Variants in SLC4A7 observed in about 807,000 individuals in gnomAD.
SLC4A7 encodes the protein solute carrier family 4 member 7.
SLC4A7 carries 51 observed loss-of-function variants against 137.6 expected under a neutral mutation model. That is an observed-to-expected ratio of 0.37 (90% CI 0.30 to 0.47). SLC4A7 has a LOEUF of 0.47. Among genes scored for constraint, SLC4A7 ranks in the 20% least tolerant of loss-of-function variants. SLC4A7 has a pLI of 1.00. For synonymous variants in SLC4A7, 542 were observed against 518.6 expected (o/e 1.05, Z -0.61); for missense variants, 1,247 against 1,525.4 (o/e 0.82, Z 3.04).
At chr3:27,407,760 C>T (rs545540057) in intron 13 of SLC4A7, among the ~76,000 whole-genome samples, 2 of 152,202 alleles carry the variant, frequency 1.3e-5, no homozygotes, top group East Asian at 3.9e-4. Context: ...TCCTCCATCC[C>T]ATCCCTCCTT....
intron 1 of SLC4A7, chr3:27,456,854 C>T (rs1197172140): frequency 1.7e-5 from 23 of 1,379,332 alleles, no homozygotes; most frequent in Non-Finnish European, 2.1e-5. Flanking sequence ...CCTAATCTTC[C>T]AAGCTAATAA....
chr3:27,460,155 T>G (rs1396184977), intron 1 of SLC4A7, among the ~76,000 whole-genome samples: 1 of 151,968 alleles, frequency 6.6e-6, no homozygotes, highest in Admixed American at 6.6e-5. Context: ...TGTCTCAGCC[T>G]CCCTGGCAGC....
At chr3:27,454,259 A>T (rs1356451879) in intron 1 of SLC4A7, among the ~76,000 whole-genome samples, 1 of 152,182 alleles carries the variant, frequency 6.6e-6, no homozygotes, top group African/African-American at 2.4e-5. Flanking sequence ...TGAGGTCAGG[A>T]GTTTGACACC....
At chr3:27,446,404 A>G (rs1352821463) in intron 3 of SLC4A7, among the ~76,000 whole-genome samples, 1 of 152,180 alleles carries the variant, frequency 6.6e-6, no homozygotes, top group Non-Finnish European at 1.5e-5. Context: ...CTTCAGGGAC[A>G]TAAATCTTTT....
chr3:27,468,825 G>C (rs530412870), intron 1 of SLC4A7, among the ~76,000 whole-genome samples: 1 of 152,240 alleles, frequency 6.6e-6, no homozygotes, highest in South Asian at 2.1e-4. Flanking sequence ...GAAATACTAG[G>C]AGTGGGGCGT....
intron 1 of SLC4A7, among the ~76,000 whole-genome samples, chr3:27,464,150 G>A (rs2058848382): frequency 6.6e-6 from 1 of 152,100 alleles, no homozygotes; most frequent in Non-Finnish European, 1.5e-5. Flanking sequence ...CTCCAGCCTG[G>A]GAGCAAGACT....
chr3:27,418,712 T>C, intron 10 of SLC4A7, 80 bp from the exon 11 acceptor site: 1 of 798,226 alleles, frequency 1.3e-6, no homozygotes, highest in Non-Finnish European at 2.0e-6. Context: ...CTGGATATCA[T>C]AAATAGCTTC....
chr3:27,478,413 G>A lies in SLC4A7; in HGVS notation c.60+5654C>T, dbSNP rs1434523811. 4.0e-5 allele frequency among the ~76,000 whole-genome samples: 6 copies of A among 150,636 alleles called. No individual in the cohort carries two copies. The East Asian group carries it at 9.8e-4, about 25-fold the overall frequency. Reference sequence around the variant, plus strand: ...TGCGCCTGTAATTCCATCTACCTGGGAGGCTGAGGCAGGAGAATCGCTTGA... The same window carrying A: ...TGCGCCTGTAATTCCATCTACCTGGAAGGCTGAGGCAGGAGAATCGCTTGA... On this transcript the variant is annotated intron_variant, in intron 1 of 25. Coordinates refer to ENST00000454389, the MANE Select transcript of SLC4A7 (RefSeq NM_001321103.2).
intron 1 of SLC4A7, among the ~76,000 whole-genome samples, chr3:27,464,898 G>A (rs955378731): frequency 2.6e-5 from 4 of 152,128 alleles, no homozygotes; most frequent in Non-Finnish European, 5.9e-5. Context: ...TTGGTGAGAT[G>A]GACAGCCTGT....
intron 22 of SLC4A7, among the ~76,000 whole-genome samples, chr3:27,388,730 A>G (rs1370371273): frequency 2.6e-5 from 4 of 152,174 alleles, no homozygotes; most frequent in Non-Finnish European, 5.9e-5. Flanking sequence ...GTAGAAAACA[A>G]TAACCATGAA....
chr3:27,395,184 G>A (rs1020914629), intron 18 of SLC4A7, 69 bp from the exon 19 acceptor site: 2 of 1,108,582 alleles, frequency 1.8e-6, no homozygotes, highest in Non-Finnish European at 2.5e-6. Context: ...CCATAACATA[G>A]ACTTGATCTG....
intron 3 of SLC4A7, among the ~76,000 whole-genome samples, chr3:27,446,342 A>C (rs1347167873): frequency 6.6e-6 from 1 of 152,162 alleles, no homozygotes; most frequent in Admixed American, 6.5e-5. Context: ...AAAAACGAAG[A>C]GACTTCATTT....
At chr3:27,382,566 T>C (rs2050533025) in intron 24 of SLC4A7, among the ~76,000 whole-genome samples, 2 of 152,302 alleles carry the variant, frequency 1.3e-5, no homozygotes, top group South Asian at 4.1e-4. Context: ...TAAATATAAA[T>C]CATCAAAATC....
At chr3:27,420,203 T>C (rs1035728690) in intron 10 of SLC4A7, among the ~76,000 whole-genome samples, 1 of 150,538 alleles carries the variant, frequency 6.6e-6, no homozygotes, top group Non-Finnish European at 1.5e-5. Context: ...AAAAGAAAAA[T>C]TAGGTCAGGT....
chr3:27,410,173 T>C (rs2053767956), intron 12 of SLC4A7, among the ~76,000 whole-genome samples: 2 of 152,214 alleles, frequency 1.3e-5, no homozygotes, highest in African/African-American at 4.8e-5. Flanking sequence ...TAAAAATCTG[T>C]TTGTACATCA....
At chr3:27,478,288 TG>T (rs2059551263) in intron 1 of SLC4A7, among the ~76,000 whole-genome samples, 1 of 150,222 alleles carries the variant, frequency 6.7e-6, no homozygotes, top group African/African-American at 2.5e-5. Flanking sequence ...GAGGCTGAGG[TG>T]GGCGGATGAC....
chr3:27,419,747 T>C (rs1259952923), intron 10 of SLC4A7, among the ~76,000 whole-genome samples: 1 of 151,978 alleles, frequency 6.6e-6, no homozygotes, highest in Non-Finnish European at 1.5e-5. Flanking sequence ...AAAAATACTA[T>C]ACAATAAATA....
At chr3:27,400,139 TG>T (rs1279246546) in intron 16 of SLC4A7, among the ~76,000 whole-genome samples, 4 of 152,218 alleles carry the variant, frequency 2.6e-5, no homozygotes, top group Non-Finnish European at 4.4e-5. Flanking sequence ...CTCCCAGGCT[TG>T]GAAATGTCAA....
At chr3:27,405,895 C>T (rs935827077) in intron 13 of SLC4A7, among the ~76,000 whole-genome samples, 1 of 152,096 alleles carries the variant, frequency 6.6e-6, no homozygotes, top group African/African-American at 2.4e-5. Context: ...GTACAACCAC[C>T]ACCATTACAT....
Sources: gnomAD v4.1 joint callset for allele counts (sites outside exome capture counted in the v4.1 genomes callset) on GRCh38, gnomAD v4.1.1 for gene constraint, MANE v1.5 for transcripts, NCBI Gene and HGNC (gene_info 2026-07-23, HGNC 2026-07-21) for gene names.